LTV1: variants seen among roughly 807,000 people sequenced by gnomAD.
LTV1 encodes the protein LTV1 ribosome biogenesis factor, also known as protein LTV1 homolog.
A neutral mutation model predicts 59.9 loss-of-function variants in LTV1; 39 were observed. That is an observed-to-expected ratio of 0.65 (90% CI 0.50 to 0.85). LTV1 has a LOEUF of 0.85. Ranked by LOEUF, LTV1 falls within the 40% of genes least tolerant of loss-of-function variation. LTV1 has a pLI of 0.00. For synonymous variants in LTV1, 171 were observed against 189.5 expected (o/e 0.90, Z 0.80); for missense variants, 493 against 549.1 (o/e 0.90, Z 1.02).
At chr6:143,847,650 C>T (rs1437039666) in intron 3 of LTV1, among the ~76,000 whole-genome samples, 7 of 152,184 alleles carry the variant, frequency 4.6e-5, no homozygotes, top group Non-Finnish European at 7.4e-5. Flanking sequence ...CGTGAGCCAC[C>T]GCGCCCGGTC....
intron 6 of LTV1, 37 bp from the exon 7 acceptor site, chr6:143,860,389 T>G (rs759956865): frequency 6.2e-7 from 1 of 1,600,842 alleles, no homozygotes; most frequent in Middle Eastern, 1.7e-4. Context: ...TGAGTACATT[T>G]GCTTTTCATG....
rs1260432305 is a variant in LTV1, at chr6:143,860,524, G to T, written c.894G>T (p.Leu298Phe). Reference protein sequence around the residue: ...QVDSNRLQEVLNDYYKEKAEN... With the variant: ...QVDSNRLQEVFNDYYKEKAEN... ...ACAGCAATCGCTTACAGGAAGTTTT[G>T]AATGACTACTATAAAGAGAAGGCAG... The change falls in exon 7 of 11, where the codon TTG (leucine) becomes TTT (phenylalanine). Residue 298 changes from leucine to phenylalanine, a missense_variant. Leu to Phe is a conservative substitution (Grantham distance 22). Transcript: ENST00000367576. 2 of 1,613,586 alleles carry T rather than the reference G, an allele frequency of 1.2e-6. No homozygotes were observed. Among genetic ancestry groups the T allele is most frequent in the East Asian group, 2.2e-5 (1 of 44,764 alleles).
intron 4 of LTV1, among the ~76,000 whole-genome samples, chr6:143,852,202 C>T (rs1251755933): frequency 1.3e-5 from 2 of 152,152 alleles, no homozygotes; most frequent in African/African-American, 2.4e-5. Flanking sequence ...AACATAAAAG[C>T]GTTCCTATTT....
At chr6:143,847,447 C>T (rs565707222) in intron 3 of LTV1, among the ~76,000 whole-genome samples, 7 of 152,318 alleles carry the variant, frequency 4.6e-5, no homozygotes, top group East Asian at 1.9e-4. Context: ...CCGCAACCTC[C>T]GCCTCCCGGG....
intron 7 of LTV1, 86 bp downstream of exon 7, chr6:143,860,639 T>C: frequency 8.4e-7 from 1 of 1,188,550 alleles, no homozygotes; most frequent in Non-Finnish European, 1.1e-6. Flanking sequence ...TATAACTGAA[T>C]TGAGGAAAAA....
chr6:143,853,479 G>T (rs1777019783), intron 4 of LTV1, among the ~76,000 whole-genome samples: 2 of 152,156 alleles, frequency 1.3e-5, no homozygotes, highest in African/African-American at 4.8e-5. Flanking sequence ...TTGCCTGATT[G>T]CCCTGGCCAG....
chr6:143,859,130 G>A (rs1292941459), intron 6 of LTV1, among the ~76,000 whole-genome samples: 2 of 152,056 alleles, frequency 1.3e-5, no homozygotes, highest in Admixed American at 6.5e-5. Context: ...ATTTCTTTCC[G>A]TTTCTCATCT....
In LTV1 at chr6:143,857,757, C is replaced by A; in HGVS notation, c.545C>A (p.Ser182Tyr). 6.2e-6 allele frequency: 10 copies of A among 1,613,902 alleles called. No homozygotes were observed. The highest frequency in any genetic ancestry group is 1.7e-5 in the Admixed American group (1 of 60,016). ...ATTTATGACCTTTACTTTAGGAAAT[C>A]TGAGAATGAAGATGACAGCGAGTGG... ...GEEEGMDIQK[S>Y]ENEDDSEWED... is the part of the protein sequence containing the mutation. Residue 182 changes from serine to tyrosine, a missense_variant, in exon 6 of 11, where the codon TCT becomes TAT. Physicochemically the swap from Ser to Tyr is moderately radical, Grantham distance 144. Transcript: ENST00000367576. The surrounding 1 kb of genome is among the most constrained non-coding windows in gnomAD (Gnocchi z 5.2).
chr6:143,860,982 C>T (rs376131226), intron 7 of LTV1, among the ~76,000 whole-genome samples: 32 of 151,732 alleles, frequency 2.1e-4, no homozygotes, highest in East Asian at 7.8e-4. Flanking sequence ...CTGCAACCTC[C>T]GCCTCCCAGG....
Position 143,863,262 on chromosome 6 carries a change from G to A in LTV1, c.1293G>A (p.Lys431=). ...NESKEDKRAR[K]QAIKEERKER... is the part of the protein sequence containing the mutation. ...GCAAAGAAGATAAAAGAGCAAGAAA[G>A]CAAGCTATAAAAGAAGAGCGCAAGG... is the stretch of plus-strand genomic sequence containing the variant. The change falls in exon 10 of 11, where the codon AAG becomes AAA. Residue 431 remains lysine (K), a synonymous_variant. Transcript: ENST00000367576. This position sits in a 1 kb window ranked among gnomAD's most constrained non-coding sequence, Gnocchi z 4.5. 1 of 1,613,860 alleles carries A rather than the reference G, an allele frequency of 6.2e-7. No individual in the cohort carries two copies. The highest frequency in any genetic ancestry group is 8.5e-7 in the Non-Finnish European group (1 of 1,179,912).
Position 143,858,008 on chromosome 6 carries a change from G to A in LTV1, c.795+1G>A, listed in dbSNP as rs1413017045. 1.9e-6 allele frequency: 3 copies of A among 1,613,870 alleles called. No individual in the cohort carries two copies. The African/African-American group carries it at 4.0e-5, about 22-fold the overall frequency. On this transcript the variant is annotated splice_donor_variant, in intron 6 of 10. Coordinates refer to ENST00000367576, the MANE Select transcript of LTV1 (RefSeq NM_032860.5). LOFTEE classifies it high-confidence loss of function. ...CCTACATGATGAGAGGTTTGAGAAG[G>A]TAAGGTCCCCACATAAGGGATGCTT...
chr6:143,858,560 A>G (rs1190010015), intron 6 of LTV1: 1 of 155,064 alleles, frequency 6.4e-6, no homozygotes, highest in Non-Finnish European at 1.4e-5. Context: ...CTGAAAGCCT[A>G]AAATGGTGTC....
chr6:143,861,988 T>C, intron 7 of LTV1, 116 bp from the exon 8 acceptor site: 1 of 951,312 alleles, frequency 1.1e-6, no homozygotes, highest in South Asian at 1.7e-5. Context: ...CACTGGAATA[T>C]GTGCATTTAA....
In LTV1 at chr6:143,863,127, C is replaced by T. The variant is rs1200190747; in HGVS notation, c.1158C>T (p.Leu386=). ...TATCTTCTAAAACAGGAATACCTCT[C>T]AATGTCTTACCAAAGAAAGGACTCA... ...IRISSKTGIP[L]NVLPKKGLTA... The change falls in exon 10 of 11, where the codon CTC becomes CTT. Residue 386 remains leucine, a synonymous_variant. Transcript: ENST00000367576. The surrounding 1 kb of genome is among the most constrained non-coding windows in gnomAD (Gnocchi z 4.5). 1.9e-6 allele frequency: 3 copies of T among 1,613,912 alleles called. No individual in the cohort carries two copies. Among genetic ancestry groups the T allele is most frequent in the Non-Finnish European group, 2.5e-6 (3 of 1,179,894 alleles).
intron 4 of LTV1, among the ~76,000 whole-genome samples, chr6:143,851,291 A>C (rs1776979776): frequency 6.6e-6 from 1 of 152,200 alleles, no homozygotes; most frequent in African/African-American, 2.4e-5. Flanking sequence ...AGCAGGGCTA[A>C]GTCCTAAGCA....
chr6:143,850,983 T>C (rs548293446), intron 4 of LTV1, among the ~76,000 whole-genome samples: 25 of 151,896 alleles, frequency 1.6e-4, no homozygotes, highest in Non-Finnish European at 3.4e-4. Flanking sequence ...GAAGGTGATA[T>C]CTAGTTTGTT....
In LTV1 at chr6:143,844,758, G is replaced by A. The variant is rs1424516909; in HGVS notation, c.135+141G>A. 6.5e-6 allele frequency: 5 copies of A among 774,484 alleles called. No individual in the cohort carries two copies. The Admixed American group carries it at 1.7e-4, about 26-fold the overall frequency. 48.0% of individuals were successfully genotyped at this position (774,484 alleles called of 1,614,324 possible). The stretch of plus-strand genomic sequence containing the variant: ...GGACTTAAGCAGTCCTCCCAGCTTG[G>A]CCTCCAAAAGTGCTGGGATTACAGG... On this transcript the variant is annotated intron_variant, in intron 2 of 10. Coordinates refer to ENST00000367576, the MANE Select transcript of LTV1 (RefSeq NM_032860.5).
In LTV1 at chr6:143,862,290, A is replaced by T. The variant is rs1441906793; in HGVS notation, c.1063+47A>T. 2.5e-6 allele frequency: 4 copies of T among 1,570,412 alleles called. No homozygotes were observed. The highest frequency in any genetic ancestry group is 2.6e-6 in the Non-Finnish European group (3 of 1,147,338). ...TAGTAATTTTAAAGTATTAAAGTAT[A>T]TCAACTTTAGGCTGGGTGCGGTGCC... On this transcript the variant is annotated intron_variant, in intron 8 of 10. Coordinates refer to ENST00000367576, the MANE Select transcript of LTV1 (RefSeq NM_032860.5). The surrounding 1 kb of genome is among the most constrained non-coding windows in gnomAD (Gnocchi z 4.2).
At position 143,857,884 on chromosome 6, in the gene LTV1, A is replaced by G. The variant is rs1398389601; in HGVS notation, c.672A>G (p.Arg224=). The part of the protein sequence containing the change: ...DCMSVPGKTH[R]AIADHLFWSE... ...TGTCTGTGCCCGGAAAAACTCACAG[A>G]GCTATAGCAGATCACTTGTTCTGGA... Residue 224 remains arginine (R), a synonymous_variant, in exon 6 of 11, where the codon AGA becomes AGG. Transcript: ENST00000367576. The surrounding 1 kb of genome is among the most constrained non-coding windows in gnomAD (Gnocchi z 5.2). The G allele has an allele frequency of 1.2e-6, 2 of 1,614,118 alleles. No homozygotes were observed. Among genetic ancestry groups the G allele is most frequent in the East Asian group, 2.2e-5 (1 of 44,850 alleles).
Sources: allele counts gnomAD v4.1 joint callset (sites outside exome capture counted in the v4.1 genomes callset), GRCh38; gene constraint gnomAD v4.1.1; non-coding constraint Gnocchi (gnomAD v3.1); transcripts MANE v1.5; gene names NCBI Gene and HGNC (gene_info 2026-07-23, HGNC 2026-07-21).